CLASP1: variants seen among roughly 807,000 people sequenced by gnomAD.
The protein encoded by CLASP1 is cytoplasmic linker associated protein 1.
A neutral mutation model predicts 192.3 loss-of-function variants in CLASP1; 38 were observed. The observed-to-expected ratio is 0.20, with a 90% CI of 0.15 to 0.26. The LOEUF is 0.26. Ranked by LOEUF, CLASP1 falls within the 10% of genes least tolerant of loss-of-function variation. The probability of loss-of-function intolerance (pLI) is 1.00; values close to 1 mark genes in which losing one functional copy is unlikely to be tolerated. For missense variants in CLASP1, 1,433 were observed against 1,932.5 expected (o/e 0.74, Z 4.85); for synonymous variants, 691 against 712.8 (o/e 0.97, Z 0.49).
At chr2:121,418,906 G>A (rs1241903651) in intron 22 of CLASP1, among the ~76,000 whole-genome samples, 177 bp from the exon 23 acceptor site, 2 of 152,126 alleles carry the variant, frequency 1.3e-5, no homozygotes, top group East Asian at 3.9e-4. Context: ...TGCCAACGGG[G>A]GAGGGTTTGG....
intron 8 of CLASP1, among the ~76,000 whole-genome samples, chr2:121,487,158 G>GC (rs1559402587): frequency 6.6e-6 from 1 of 152,034 alleles, no homozygotes; most frequent in Non-Finnish European, 1.5e-5. Flanking sequence ...CCCACCCACT[G>GC]CCCTAAATAA....
At chr2:121,525,008 C>T (rs917684479) in intron 6 of CLASP1, among the ~76,000 whole-genome samples, 2 of 152,106 alleles carry the variant, frequency 1.3e-5, no homozygotes, top group East Asian at 3.9e-4. Flanking sequence ...AGAAGGCCAG[C>T]CTGATACAAC....
intron 1 of CLASP1, among the ~76,000 whole-genome samples, chr2:121,618,383 G>A (rs1319237991): frequency 4.6e-5 from 7 of 152,214 alleles, no homozygotes; most frequent in Non-Finnish European, 7.3e-5. Flanking sequence ...TAAAAGGAAT[G>A]TGCAAATACA....
intron 10 of CLASP1, among the ~76,000 whole-genome samples, chr2:121,462,214 A>C (rs541013886): frequency 3.0e-5 from 4 of 134,442 alleles, no homozygotes; most frequent in Admixed American, 2.2e-4. Flanking sequence ...CTTATGAATT[A>C]AAAAAAAAAA....
At chr2:121,562,825 G>A (rs573804200) in intron 2 of CLASP1, among the ~76,000 whole-genome samples, 123 of 152,308 alleles carry the variant, frequency 8.1e-4, no homozygotes, top group African/African-American at 2.8e-3. Context: ...ATCTGGAAAG[G>A]AGGTCAGCTG....
intron 7 of CLASP1, among the ~76,000 whole-genome samples, chr2:121,507,107 C>T (rs1277051094): frequency 1.3e-5 from 2 of 152,124 alleles, no homozygotes; most frequent in South Asian, 2.1e-4. Context: ...TTAAGGACAC[C>T]TATACATTGC....
At chr2:121,391,610 T>C (rs936601414) in intron 30 of CLASP1, among the ~76,000 whole-genome samples, 7 of 152,280 alleles carry the variant, frequency 4.6e-5, no homozygotes, top group East Asian at 1.9e-4. Flanking sequence ...CAAATAAGAC[T>C]TGAAAGAGTC....
chr2:121,514,517 AC>A (rs1460471360), intron 7 of CLASP1, among the ~76,000 whole-genome samples: 10 of 152,136 alleles, frequency 6.6e-5, no homozygotes, highest in South Asian at 2.1e-4. Context: ...AAAAAAAAAA[AC>A]AAAACAAAAA....
intron 37 of CLASP1, among the ~76,000 whole-genome samples, chr2:121,353,481 G>A (rs929453891): frequency 2.0e-5 from 3 of 152,102 alleles, no homozygotes; most frequent in African/African-American, 7.2e-5. Flanking sequence ...GCTCCTTCCT[G>A]CCTGTGTGGT....
chr2:121,354,899 C>A (rs898295048), intron 37 of CLASP1, among the ~76,000 whole-genome samples: 1 of 152,098 alleles, frequency 6.6e-6, no homozygotes, highest in Non-Finnish European at 1.5e-5. Context: ...GGGGTTGCAA[C>A]GAGGATTAGT....
At chr2:121,344,617 C>G (rs759473305) in intron 39 of CLASP1, among the ~76,000 whole-genome samples, 25 of 152,092 alleles carry the variant, frequency 1.6e-4, no homozygotes, top group Non-Finnish European at 2.9e-4. Context: ...AGGTATGAGC[C>G]GTGCCCAGCC....
intron 24 of CLASP1, among the ~76,000 whole-genome samples, chr2:121,409,796 G>A (rs749729678): frequency 1.3e-5 from 2 of 152,134 alleles, no homozygotes; most frequent in African/African-American, 4.8e-5. Context: ...TAAAGCCATG[G>A]TTAGAGCAGT....
At chr2:121,465,875 C>T (rs1328301486) in intron 9 of CLASP1, among the ~76,000 whole-genome samples, 1 of 152,128 alleles carries the variant, frequency 6.6e-6, no homozygotes, top group African/African-American at 2.4e-5. Flanking sequence ...CGCATATCTA[C>T]AACTATCTGA....
chr2:121,611,792 A>C (rs1236580872), intron 1 of CLASP1, among the ~76,000 whole-genome samples: 2 of 146,444 alleles, frequency 1.4e-5, no homozygotes. Context: ...GAGAAAGAGG[A>C]ACTGGAGGAT....
At position 121,573,972 on chromosome 2, in the gene CLASP1, G is replaced by A. The variant is rs1163361465; in HGVS notation, c.195+31729C>T. Among the ~76,000 whole-genome samples, 3 of 152,328 alleles carry A rather than the reference G, an allele frequency of 2.0e-5. 1 individual carries two copies. The highest frequency in any genetic ancestry group is 7.2e-5 in the African/African-American group (3 of 41,572). ...GTGGTGGTTACCAGGGTGCCTGGGG[G>A]ATTCCGCTGGGGAGACACAAAATTT... On this transcript the variant is annotated intron_variant, in intron 2 of 39. Transcript: ENST00000263710.
chr2:121,427,248 C>T (rs763320915), intron 21 of CLASP1, among the ~76,000 whole-genome samples, 156 bp downstream of exon 21: 2 of 151,976 alleles, frequency 1.3e-5, no homozygotes, highest in Admixed American at 6.6e-5. Context: ...GAAAGAAATC[C>T]ATTTCAAACT....
chr2:121,611,234 T>A (rs1460956328), intron 1 of CLASP1, among the ~76,000 whole-genome samples: 1 of 93,782 alleles, frequency 1.1e-5, no homozygotes, highest in African/African-American at 4.6e-5. Context: ...GAAGAGGAAC[T>A]GGAGGAGGAG....
intron 1 of CLASP1, among the ~76,000 whole-genome samples, chr2:121,624,014 T>C (rs976116118): frequency 1.3e-5 from 2 of 152,196 alleles, no homozygotes; most frequent in Non-Finnish European, 1.5e-5. Context: ...GTGATGTCCC[T>C]TCTTTCATTC....
intron 8 of CLASP1, among the ~76,000 whole-genome samples, chr2:121,499,728 G>A (rs2093667687): frequency 6.6e-6 from 1 of 151,468 alleles, no homozygotes; most frequent in Non-Finnish European, 1.5e-5. Context: ...TAACCTTCAT[G>A]TGCCCACCTG....
Sources: allele counts gnomAD v4.1 joint callset (sites outside exome capture counted in the v4.1 genomes callset), GRCh38; gene constraint gnomAD v4.1.1; transcripts MANE v1.5; gene names NCBI Gene and HGNC (gene_info 2026-07-23, HGNC 2026-07-21).